Variants in MAP3K1 observed in about 807,000 individuals in gnomAD.
The protein encoded by MAP3K1 is MAP/ERK kinase kinase 1.
In MAP3K1, 36 loss-of-function variants were observed where a neutral mutation model predicts 144.2. The observed-to-expected ratio is 0.25, with a 90% confidence interval of 0.19 to 0.33. The LOEUF (loss-of-function observed/expected upper bound fraction) is 0.33. Among genes scored for constraint, MAP3K1 ranks in the 10% least tolerant of loss-of-function variants. MAP3K1 has a pLI of 1.00. For synonymous variants in MAP3K1, 718 were observed against 688.7 expected, an observed-to-expected ratio of 1.04 and a Z score of -0.67; for missense variants, 1,650 against 1,881.9, an observed-to-expected ratio of 0.88 and a Z score of 2.28.
At chr5:56,878,858 A>G in intron 10 of MAP3K1, 122 bp from the exon 11 acceptor site, 1 of 811,084 alleles carries the variant, frequency 1.2e-6, no homozygotes, top group Non-Finnish European at 2.1e-6. Context: ...TTCTTATTTT[A>G]TTCTATGGGT....
chr5:56,883,044 G>T (rs1344563178), intron 14 of MAP3K1, among the ~76,000 whole-genome samples, 178 bp downstream of exon 14: 1 of 152,112 alleles, frequency 6.6e-6, no homozygotes, highest in Middle Eastern at 3.2e-3. Context: ...TTAAAAATTA[G>T]CCAGGCATGA....
rs16886449 is a variant in MAP3K1, at chr5:56,880,479, T to C, written c.2088-232T>C. On this transcript the variant is annotated intron_variant, in intron 11 of 19. Transcript: ENST00000399503. Reference sequence around the variant, plus strand: ...AATCAGTACTTGCAAAGAGCCATTGTTGAAAATTCTGTGCTTAACATAGGG... The same window carrying C: ...AATCAGTACTTGCAAAGAGCCATTGCTGAAAATTCTGTGCTTAACATAGGG... Among the ~76,000 whole-genome samples, 15,106 of 152,234 alleles carry C rather than the reference T, an allele frequency of 0.099. 1,217 individuals are homozygous for C. The highest frequency in any genetic ancestry group is 0.35 in the East Asian group (1,792 of 5,168).
Position 56,872,972 on chromosome 5 carries a change from T to A in MAP3K1, c.1653T>A (p.Pro551=). The change falls in exon 9 of 20, where the codon CCT becomes CCA. Residue 551 remains proline (P), a synonymous_variant. Transcript: ENST00000399503. The stretch of plus-strand genomic sequence containing the variant: ...ATTATGGAACTCAGCAAATCCCTCC[T>A]GCTTACAAAGATTTAGCTGAGCCAT... ...LTHYGTQQIP[P]AYKDLAEPWI... 1 of 1,614,084 alleles carries A rather than the reference T, an allele frequency of 6.2e-7. No homozygotes were observed. Among genetic ancestry groups the A allele is most frequent in the African/African-American group, 1.3e-5 (1 of 75,054 alleles).
intron 16 of MAP3K1, 87 bp downstream of exon 16, chr5:56,884,913 T>C: frequency 8.0e-7 from 1 of 1,245,230 alleles, no homozygotes. Flanking sequence ...TAAAATTTAT[T>C]TCTATCAAAT....
intron 1 of MAP3K1, among the ~76,000 whole-genome samples, chr5:56,819,501 G>A (rs1240087839): frequency 1.3e-5 from 2 of 152,170 alleles, no homozygotes; most frequent in Non-Finnish European, 2.9e-5. Flanking sequence ...GACACTGGCT[G>A]TGTGCATCCC....
intron 11 of MAP3K1, 120 bp from the exon 12 acceptor site, chr5:56,880,591 G>A: frequency 1.4e-6 from 1 of 731,824 alleles, no homozygotes; most frequent in East Asian, 2.7e-5. Context: ...TGGTGGAAAA[G>A]TAAACACTCC....
chr5:56,888,105 C>A, intron 18 of MAP3K1, 121 bp from the exon 19 acceptor site: 2 of 834,266 alleles, frequency 2.4e-6, no homozygotes, highest in South Asian at 1.5e-5. Flanking sequence ...TTAGGTAGTC[C>A]ACAGAATTCC....
intron 9 of MAP3K1, among the ~76,000 whole-genome samples, chr5:56,873,906 T>G (rs1019655407): frequency 5.9e-5 from 9 of 152,206 alleles, no homozygotes; most frequent in African/African-American, 2.2e-4. Flanking sequence ...TGAAATTTAA[T>G]GAACTATTAA....
At chr5:56,879,379 G>A (rs1748137388) in intron 11 of MAP3K1, among the ~76,000 whole-genome samples, 1 of 152,146 alleles carries the variant, frequency 6.6e-6, no homozygotes, top group Non-Finnish European at 1.5e-5. Flanking sequence ...CTGAAGACCA[G>A]TCGATAAGAA....
At chr5:56,846,854 GAAGA>G (rs758190362) in intron 1 of MAP3K1, among the ~76,000 whole-genome samples, 8 of 152,280 alleles carry the variant, frequency 5.3e-5, no homozygotes, top group East Asian at 1.9e-4. Flanking sequence ...AACACATTTA[GAAGA>G]AAGAACTTTT....
Position 56,815,623 on chromosome 5 carries a change from C to T in MAP3K1, c.50C>T (p.Ala17Val). Reference sequence around the variant, plus strand: ...GCCTCGTCGTCGGGATTCCCGGGCGCCAGGGCTACGAGCCCTGAGGCAGGC... The same window carrying T: ...GCCTCGTCGTCGGGATTCCCGGGCGTCAGGGCTACGAGCCCTGAGGCAGGC... The part of the protein sequence containing the change: ...NRASSSGFPG[A>V]RATSPEAGGG... Residue 17 changes from alanine to valine, a missense_variant, in exon 1 of 20, where the codon GCC (alanine) becomes GTC (valine). Coordinates refer to ENST00000399503, the MANE Select transcript of MAP3K1 (RefSeq NM_005921.2). The T allele has an allele frequency of 7.6e-7, 1 of 1,313,942 alleles. No homozygotes were observed. Among genetic ancestry groups the T allele is most frequent in the Non-Finnish European group, 9.7e-7 (1 of 1,032,734 alleles). The allele number at this position is 1,313,942 out of a possible 1,614,324, so 81.4% of individuals were successfully genotyped here.
chr5:56,847,267 A>G (rs933011542), intron 1 of MAP3K1, among the ~76,000 whole-genome samples: 71 of 152,214 alleles, frequency 4.7e-4, no homozygotes, highest in African/African-American at 1.5e-3. Context: ...GAGACTGTTG[A>G]AGTACATCCA....
At position 56,881,235 on chromosome 5, in the gene MAP3K1, A is replaced by G. The variant is rs775415674; in HGVS notation, c.2332A>G (p.Ser778Gly). 1 of 1,613,622 alleles carries G rather than the reference A, an allele frequency of 6.2e-7. No individual in the cohort carries two copies. The highest frequency in any genetic ancestry group is 8.5e-7 in the Non-Finnish European group (1 of 1,179,914). Residue 778 changes from serine to glycine, a missense_variant, in exon 13 of 20, where the codon AGT (serine) becomes GGT (glycine). Ser to Gly is a moderately conservative substitution (Grantham distance 56). Transcript: ENST00000399503. ...TGCTGAATTTTATCCTCATATTGTC[A>G]GTACTGATGTTTCACAAGCTGAGCC... ...FPAEFYPHIV[S>G]TDVSQAEPVE...
intron 1 of MAP3K1, among the ~76,000 whole-genome samples, chr5:56,837,728 G>A (rs2548664): frequency 0.77 from 117,782 of 152,218 alleles, 45,916 homozygotes; most frequent in Non-Finnish European, 0.82. Context: ...CCTTGTGCCA[G>A]GCTTTCTGCT....
At chr5:56,879,154 G>A (rs1272184473) in intron 11 of MAP3K1, 53 bp downstream of exon 11, 13 of 1,607,366 alleles carry the variant, frequency 8.1e-6, no homozygotes, top group African/African-American at 5.4e-5. Flanking sequence ...AAAGTGCCTC[G>A]CAGCAAGCCT....
intron 9 of MAP3K1, 136 bp downstream of exon 9, chr5:56,873,141 A>T (rs1311468111): frequency 1.4e-5 from 11 of 791,012 alleles, no homozygotes; most frequent in Middle Eastern, 3.6e-4. Context: ...TTCCACTGGA[A>T]ATTTTAATGT....
chr5:56,872,868 G>C lies in MAP3K1; in HGVS notation c.1549G>C (p.Ala517Pro), dbSNP rs764801554. 4 of 1,614,144 alleles carry C rather than the reference G, an allele frequency of 2.5e-6. No individual in the cohort carries two copies. In the East Asian group the frequency reaches 8.9e-5, roughly 36 times the overall value. The change falls in exon 9 of 20, where the codon GCT becomes CCT. Residue 517 changes from alanine to proline, a missense_variant. By Grantham distance (27) the Ala-to-Pro change is conservative. Transcript: ENST00000399503. ...TGTGGATTCCCCTTCTTCCCTCAGAGCTGCACAGCAGCAAACCGTACAGCA... is the reference window on the plus strand; with the variant it reads ...TGTGGATTCCCCTTCTTCCCTCAGACCTGCACAGCAGCAAACCGTACAGCA... The part of the protein sequence containing the change: ...SPVDSPSSLR[A>P]AQQQTVQQQP...
intron 19 of MAP3K1, 67 bp from the exon 20 acceptor site, chr5:56,893,464 T>C (rs1748608850): frequency 6.6e-7 from 1 of 1,507,652 alleles, no homozygotes; most frequent in Admixed American, 1.7e-5. Context: ...ATGAGGTCTA[T>C]GCACATGTGT....
intron 1 of MAP3K1, among the ~76,000 whole-genome samples, chr5:56,844,556 G>C (rs1746932481): frequency 6.6e-6 from 1 of 151,902 alleles, no homozygotes; most frequent in African/African-American, 2.4e-5. Flanking sequence ...TTCCAGTTCT[G>C]TTCTTTAAAA....
Sources: allele counts gnomAD v4.1 joint callset (sites outside exome capture counted in the v4.1 genomes callset), GRCh38; gene constraint gnomAD v4.1.1; transcripts MANE v1.5; gene names NCBI Gene and HGNC (gene_info 2026-07-23, HGNC 2026-07-21).